The following RIMS2 variants were observed in gnomAD, a reference collection of about 807,000 sequenced individuals.
The protein encoded by RIMS2 is regulating synaptic membrane exocytosis protein 2.
A neutral mutation model predicts 174.4 loss-of-function variants in RIMS2; 59 were observed. The observed-to-expected ratio is 0.34, with a 90% CI of 0.27 to 0.42. The LOEUF (loss-of-function observed/expected upper bound fraction) is 0.42. Ranked by LOEUF, RIMS2 falls within the 10% of genes least tolerant of loss-of-function variation. The pLI is 1.00. For missense variants in RIMS2, 1,620 were observed against 1,666.3 expected, an observed-to-expected ratio of 0.97 and a Z score of 0.48; for synonymous variants, 606 against 572.5, an observed-to-expected ratio of 1.06 and a Z score of -0.84.
intron 14 of RIMS2, among the ~76,000 whole-genome samples, chr8:103,960,677 T>G (rs1049413408): frequency 6.6e-6 from 1 of 152,158 alleles, no homozygotes; most frequent in African/African-American, 2.4e-5. Flanking sequence ...GTTTTGAAAT[T>G]TATCTGGTCT....
At chr8:103,544,314 C>G (rs1377958677) in intron 1 of RIMS2, among the ~76,000 whole-genome samples, 1 of 152,236 alleles carries the variant, frequency 6.6e-6, no homozygotes, top group Admixed American at 6.5e-5. Context: ...CACCATACCT[C>G]TTCTGCCTGA....
intron 3 of RIMS2, among the ~76,000 whole-genome samples, chr8:103,789,667 C>T (rs1416488413): frequency 1.3e-5 from 2 of 151,808 alleles, no homozygotes; most frequent in Non-Finnish European, 2.9e-5. Flanking sequence ...TACTTTTCCC[C>T]AGTTTATTAT....
At chr8:103,540,237 C>T (rs749294683) in intron 1 of RIMS2, among the ~76,000 whole-genome samples, 2 of 152,124 alleles carry the variant, frequency 1.3e-5, no homozygotes, top group Non-Finnish European at 2.9e-5. Flanking sequence ...GGCTCATAAG[C>T]GAGACCCAAC....
intron 5 of RIMS2, 22 bp from the exon 8 acceptor site, chr8:103,910,299 T>A: frequency 6.5e-7 from 1 of 1,544,200 alleles, no homozygotes; most frequent in Non-Finnish European, 8.8e-7. Flanking sequence ...ATCTTTTTTT[T>A]TTTTTTATCC....
chr8:104,105,205 AG>A (rs1395067167), intron 19 of RIMS2, among the ~76,000 whole-genome samples: 2 of 152,166 alleles, frequency 1.3e-5, no homozygotes, highest in Non-Finnish European at 1.5e-5. Flanking sequence ...GGGTGTCGGG[AG>A]GGGCAGAGGT....
At chr8:103,883,794 T>C (rs2099183351) in intron 3 of RIMS2, among the ~76,000 whole-genome samples, 1 of 151,798 alleles carries the variant, frequency 6.6e-6, no homozygotes, top group African/African-American at 2.4e-5. Flanking sequence ...TGGGCAGATA[T>C]AAAAGTCTTA....
At chr8:103,661,511 GT>G (rs1263346255) in intron 1 of RIMS2, among the ~76,000 whole-genome samples, 9 of 147,376 alleles carry the variant, frequency 6.1e-5, no homozygotes, top group South Asian at 2.2e-4. Context: ...GCTGTTTTTT[GT>G]TTTTTTTTTA....
chr8:103,532,419 C>G (rs1314913796), intron 1 of RIMS2, among the ~76,000 whole-genome samples: 1 of 152,170 alleles, frequency 6.6e-6, no homozygotes, highest in Non-Finnish European at 1.5e-5. Flanking sequence ...CATAGCTAAT[C>G]TGTTAATAAT....
At chr8:104,028,289 A>T (rs1180929884) in intron 19 of RIMS2, among the ~76,000 whole-genome samples, 1 of 152,090 alleles carries the variant, frequency 6.6e-6, no homozygotes, top group Non-Finnish European at 1.5e-5. Context: ...CTTAAATATT[A>T]CTTACTAAAA....
chr8:103,595,695 CAGTT>C (rs983901003), intron 1 of RIMS2, among the ~76,000 whole-genome samples: 4 of 151,866 alleles, frequency 2.6e-5, no homozygotes, highest in Admixed American at 2.6e-4. Context: ...TTGGGTCAGT[CAGTT>C]CATTCTTCTT....
At chr8:104,097,512 AT>A (rs1224118576) in intron 19 of RIMS2, among the ~76,000 whole-genome samples, 1 of 152,168 alleles carries the variant, frequency 6.6e-6, no homozygotes, top group African/African-American at 2.4e-5. Flanking sequence ...ACAGTAAAAA[AT>A]ATGACAAACT....
At position 104,162,559 on chromosome 8, in the gene RIMS2, C is replaced by T. The variant is rs192713680; in HGVS notation, c.3335-82357C>T. On this transcript the variant is annotated intron_variant, in intron 19 of 23. Coordinates refer to ENST00000504942, the Ensembl canonical transcript of RIMS2. ...TAAAGCTGGTATTCTTTATATGACC[C>T]CCATTATTGCTAACAGTGTATTTTT... Among the ~76,000 whole-genome samples the T allele has an allele frequency of 2.4e-4, 37 of 152,138 alleles. No individual in the cohort carries two copies. In the East Asian group the frequency reaches 7.1e-3, roughly 29 times the overall value.
intron 19 of RIMS2, among the ~76,000 whole-genome samples, chr8:104,163,568 G>T (rs2441872): frequency 0.28 from 42,316 of 151,962 alleles, 6,217 homozygotes; most frequent in South Asian, 0.44. Flanking sequence ...AACCGTGTAG[G>T]ATCTGAATTT....
intron 17 of RIMS2, among the ~76,000 whole-genome samples, chr8:104,000,018 T>G (rs1596754328): frequency 6.6e-6 from 1 of 151,884 alleles, no homozygotes; most frequent in East Asian, 1.9e-4. Flanking sequence ...GTATGTATAT[T>G]TACATGTATA....
At chr8:103,993,746 G>A (rs1183451104) in intron 17 of RIMS2, among the ~76,000 whole-genome samples, 1 of 152,136 alleles carries the variant, frequency 6.6e-6, no homozygotes, top group Non-Finnish European at 1.5e-5. Flanking sequence ...AAAGACACAT[G>A]CCAGGCACAG....
intron 3 of RIMS2, among the ~76,000 whole-genome samples, chr8:103,871,973 G>T (rs964915880): frequency 2.0e-5 from 3 of 152,172 alleles, no homozygotes; most frequent in Non-Finnish European, 4.4e-5. Flanking sequence ...AGCATTAGCA[G>T]TATGGCTACC....
chr8:103,800,275 T>C (rs1255651359), intron 3 of RIMS2, among the ~76,000 whole-genome samples: 1 of 152,170 alleles, frequency 6.6e-6, no homozygotes, highest in Non-Finnish European at 1.5e-5. Context: ...GCATCACTTA[T>C]AATGAAAAAA....
chr8:103,820,797 C>T (rs1466376315), intron 3 of RIMS2, among the ~76,000 whole-genome samples: 1 of 151,638 alleles, frequency 6.6e-6, no homozygotes, highest in Admixed American at 6.6e-5. Context: ...AAACATCAAA[C>T]AGTATATGAA....
intron 1 of RIMS2, among the ~76,000 whole-genome samples, chr8:103,541,332 A>G (rs1372377012): frequency 1.3e-5 from 2 of 152,230 alleles, no homozygotes; most frequent in East Asian, 1.9e-4. Context: ...GAATGGGATG[A>G]TGTATTCAAA....
Sources: gnomAD v4.1 joint callset for allele counts (sites outside exome capture counted in the v4.1 genomes callset) on GRCh38, gnomAD v4.1.1 for gene constraint, MANE v1.5 for transcripts, NCBI Gene and HGNC (gene_info 2026-07-23, HGNC 2026-07-21) for gene names.